Variants in CNTN5 observed in about 807,000 individuals in gnomAD.
CNTN5 encodes contactin 5, also known as contactin-5.
A neutral mutation model predicts 129.1 loss-of-function variants in CNTN5; 77 were observed. That is an observed-to-expected ratio of 0.60 (90% CI 0.50 to 0.72). The LOEUF (loss-of-function observed/expected upper bound fraction) is 0.72, where lower values mean the gene tolerates loss of function less well. CNTN5 is among the 30% of genes least tolerant of loss of function. CNTN5 has a pLI of 0.00. For missense variants in CNTN5, 1,478 were observed against 1,328.8 expected, an observed-to-expected ratio of 1.11 and a Z score of -1.75; for synonymous variants, 509 against 465.6, an observed-to-expected ratio of 1.09 and a Z score of -1.20.
intron 3 of CNTN5, among the ~76,000 whole-genome samples, chr11:99,774,632 T>G (rs369743165): frequency 2.6e-5 from 4 of 152,154 alleles, no homozygotes; most frequent in African/African-American, 7.2e-5. Context: ...TCTACAGACT[T>G]GAAGGCAGTT....
At chr11:99,924,989 GA>G (rs1402800775) in intron 7 of CNTN5, among the ~76,000 whole-genome samples, 5 of 152,100 alleles carry the variant, frequency 3.3e-5, no homozygotes, top group African/African-American at 1.2e-4. Flanking sequence ...GTGAATACAT[GA>G]AGTCTTATAT....
At chr11:99,489,607 C>T (rs1328724367) in intron 2 of CNTN5, among the ~76,000 whole-genome samples, 1 of 151,978 alleles carries the variant, frequency 6.6e-6, no homozygotes, top group African/African-American at 2.4e-5. Context: ...ACTTGGAGTC[C>T]CTATTAAATT....
intron 6 of CNTN5, among the ~76,000 whole-genome samples, chr11:99,901,016 T>C (rs562553014): frequency 2.6e-5 from 4 of 152,310 alleles, no homozygotes; most frequent in African/African-American, 7.2e-5. Flanking sequence ...TATTTACTAA[T>C]TGTGTAACAT....
At chr11:99,787,969 A>G (rs912174141) in intron 3 of CNTN5, among the ~76,000 whole-genome samples, 1 of 152,062 alleles carries the variant, frequency 6.6e-6, no homozygotes, top group Non-Finnish European at 1.5e-5. Context: ...TTTCAGGTCA[A>G]TTAAGAATGG....
chr11:99,837,855 GC>G (rs1489582723), intron 4 of CNTN5, among the ~76,000 whole-genome samples: 4 of 151,944 alleles, frequency 2.6e-5, no homozygotes, highest in Non-Finnish European at 5.9e-5. Flanking sequence ...TATAGAAACA[GC>G]TTTGTTTTAG....
intron 4 of CNTN5, among the ~76,000 whole-genome samples, chr11:99,820,318 A>G (rs559591684): frequency 6.6e-6 from 1 of 152,426 alleles, no homozygotes; most frequent in East Asian, 1.9e-4. Context: ...CATAAAACAG[A>G]CCTATCCTTC....
chr11:99,236,990 CT>C (rs1339025802), intron 1 of CNTN5, among the ~76,000 whole-genome samples: 7 of 150,736 alleles, frequency 4.6e-5, no homozygotes, highest in Non-Finnish European at 1.0e-4. Context: ...TTAAATTTTT[CT>C]TTTTTTTCTT....
At chr11:99,299,765 G>A (rs1049458133) in intron 1 of CNTN5, among the ~76,000 whole-genome samples, 3 of 152,092 alleles carry the variant, frequency 2.0e-5, no homozygotes, top group Non-Finnish European at 2.9e-5. Context: ...CATAGTGTGC[G>A]CATGTGTGTG....
chr11:99,546,438 C>G (rs556487342), intron 2 of CNTN5, among the ~76,000 whole-genome samples: 2 of 152,186 alleles, frequency 1.3e-5, no homozygotes, highest in African/African-American at 4.8e-5. Flanking sequence ...GATATATCAA[C>G]TGAAGAATCA....
At chr11:99,727,312 C>CAAAAAAAAAAA (rs397936738) in intron 3 of CNTN5, among the ~76,000 whole-genome samples, 265 of 24,246 alleles carry the variant, frequency 0.011, 20 homozygotes, top group African/African-American at 0.04. Flanking sequence ...GACTCCGTCT[C>CAAAAAAAAAAA]AAAAAAAAAA....
At chr11:100,070,339 C>T (rs1943871146) in intron 10 of CNTN5, 85 bp from the exon 11 acceptor site, 1 of 1,361,338 alleles carries the variant, frequency 7.3e-7, no homozygotes, top group Non-Finnish European at 1.0e-6. Context: ...TAAAAAAATA[C>T]GTTGAATTTT....
At chr11:100,136,784 T>A (rs1177762496) in intron 13 of CNTN5, among the ~76,000 whole-genome samples, 15 of 20,192 alleles carry the variant, frequency 7.4e-4, no homozygotes, top group Non-Finnish European at 9.3e-4. Context: ...GGTTTCCACA[T>A]TGTTAAAAAA....
intron 8 of CNTN5, among the ~76,000 whole-genome samples, chr11:99,982,250 G>A (rs140179026): frequency 6.6e-6 from 1 of 152,258 alleles, no homozygotes; most frequent in African/African-American, 2.4e-5. Context: ...TAGCATTGGG[G>A]CAGGTTTTCA....
chr11:99,937,351 A>G (rs1439790693), intron 7 of CNTN5, among the ~76,000 whole-genome samples: 3 of 152,210 alleles, frequency 2.0e-5, no homozygotes, highest in Non-Finnish European at 2.9e-5. Flanking sequence ...CATTGCAAAA[A>G]GGCATGAAGC....
At chr11:100,232,821 C>T (rs1224619877) in intron 16 of CNTN5, among the ~76,000 whole-genome samples, 1 of 152,160 alleles carries the variant, frequency 6.6e-6, no homozygotes, top group East Asian at 1.9e-4. Context: ...ACATTTTGCT[C>T]TCTGACCATC....
intron 2 of CNTN5, among the ~76,000 whole-genome samples, chr11:99,539,191 A>G (rs965563462): frequency 1.3e-5 from 2 of 152,260 alleles, no homozygotes; most frequent in South Asian, 2.1e-4. Flanking sequence ...TCACAATGTT[A>G]TAGTTCATTG....
At chr11:100,235,869 G>A (rs554138593) in intron 16 of CNTN5, among the ~76,000 whole-genome samples, 4 of 152,126 alleles carry the variant, frequency 2.6e-5, no homozygotes, top group South Asian at 4.1e-4. Context: ...TGAGGGTTCC[G>A]TCACAATCCA....
At chr11:99,963,638 C>T (rs1410588916) in intron 8 of CNTN5, among the ~76,000 whole-genome samples, 29 of 152,100 alleles carry the variant, frequency 1.9e-4, no homozygotes, top group African/African-American at 3.9e-4. Flanking sequence ...CTTGGCGATG[C>T]GGGCTCTTTT....
chr11:99,848,387 G>A (rs1170096055), intron 6 of CNTN5, among the ~76,000 whole-genome samples: 1 of 151,872 alleles, frequency 6.6e-6, no homozygotes, highest in Non-Finnish European at 1.5e-5. Flanking sequence ...ACATTTTAAA[G>A]CTAAAATATT....
Sources: gnomAD v4.1 joint callset for allele counts (sites outside exome capture counted in the v4.1 genomes callset) on GRCh38, gnomAD v4.1.1 for gene constraint, MANE v1.5 for transcripts, NCBI Gene and HGNC (gene_info 2026-07-23, HGNC 2026-07-21) for gene names.